CDH18: variants seen among roughly 807,000 people sequenced by gnomAD.
CDH18 encodes cadherin-18.
A neutral mutation model predicts 67.9 loss-of-function variants in CDH18; 31 were observed. The observed-to-expected ratio is 0.46, with a 90% CI of 0.34 to 0.62. CDH18 has a LOEUF of 0.62. Among genes scored for constraint, CDH18 ranks in the 20% least tolerant of loss-of-function variants. CDH18 has a pLI of 0.01. For missense variants in CDH18, 890 were observed against 975.5 expected, an observed-to-expected ratio of 0.91 and a Z score of 1.17; for synonymous variants, 362 against 347.2, an observed-to-expected ratio of 1.04 and a Z score of -0.48.
chr5:20,288,505 T>C (rs1746859938), intron 1 of CDH18, among the ~76,000 whole-genome samples: 1 of 151,748 alleles, frequency 6.6e-6, no homozygotes, highest in African/African-American at 2.4e-5. Flanking sequence ...TCAGATGTTT[T>C]ATGATTTTTA....
At chr5:19,920,143 G>A (rs961395361) in intron 2 of CDH18, among the ~76,000 whole-genome samples, 1 of 152,078 alleles carries the variant, frequency 6.6e-6, no homozygotes, top group African/African-American at 2.4e-5. Context: ...ACATTATTTT[G>A]TTAAAACCTG....
chr5:20,557,350 G>A (rs1027033290), intron 1 of CDH18, among the ~76,000 whole-genome samples: 5 of 151,898 alleles, frequency 3.3e-5, no homozygotes, highest in Non-Finnish European at 5.9e-5. Flanking sequence ...ATGGTTACAT[G>A]AAAACATGGT....
At chr5:20,189,425 A>G (rs2126712030) in intron 2 of CDH18, among the ~76,000 whole-genome samples, 1 of 152,230 alleles carries the variant, frequency 6.6e-6, no homozygotes. Context: ...GAAGACATTC[A>G]AATGATAACA....
intron 3 of CDH18, among the ~76,000 whole-genome samples, chr5:19,763,994 CAAAAAAAAA>C (rs60958986): frequency 1.4e-4 from 9 of 65,310 alleles, no homozygotes; most frequent in South Asian, 8.9e-4. Context: ...ACTAAAAATA[CAAAAAAAAA>C]AAAAAAAAAA....
chr5:19,987,830 AC>A (rs759375156), intron 1 of CDH18, among the ~76,000 whole-genome samples: 6 of 152,116 alleles, frequency 3.9e-5, no homozygotes, highest in Non-Finnish European at 8.8e-5. Context: ...ATAAACAGAC[AC>A]GCAGCTGGAT....
At chr5:19,915,692 T>C (rs1791695957) in intron 2 of CDH18, among the ~76,000 whole-genome samples, 1 of 152,110 alleles carries the variant, frequency 6.6e-6, no homozygotes, top group Non-Finnish European at 1.5e-5. Flanking sequence ...TATATCATTG[T>C]TTGTTTACAA....
At chr5:19,481,907 GA>G (rs1436280124) in intron 12 of CDH18, among the ~76,000 whole-genome samples, 1 of 152,130 alleles carries the variant, frequency 6.6e-6, no homozygotes, top group Non-Finnish European at 1.5e-5. Flanking sequence ...TGATGAAGCA[GA>G]AAGATTCCTT....
intron 2 of CDH18, among the ~76,000 whole-genome samples, chr5:19,843,397 T>A (rs1253179049): frequency 1.3e-5 from 2 of 152,174 alleles, no homozygotes; most frequent in African/African-American, 2.4e-5. Flanking sequence ...GGCTTCTACA[T>A]GGTGTTGGGC....
intron 10 of CDH18, among the ~76,000 whole-genome samples, chr5:19,516,839 CTCTA>C (rs925301610): frequency 2.8e-4 from 42 of 151,986 alleles, no homozygotes; most frequent in African/African-American, 9.6e-4. Flanking sequence ...TTTTTTGTGT[CTCTA>C]TCTATGAATT....
At chr5:20,447,088 T>C (rs978795780) in intron 1 of CDH18, among the ~76,000 whole-genome samples, 2 of 152,194 alleles carry the variant, frequency 1.3e-5, no homozygotes, top group Admixed American at 6.5e-5. Context: ...TACTCTGAAA[T>C]GCTGTTTCTC....
At chr5:19,552,334 T>C (rs549248367) in intron 8 of CDH18, among the ~76,000 whole-genome samples, 8 of 152,242 alleles carry the variant, frequency 5.3e-5, no homozygotes, top group South Asian at 2.1e-4. Context: ...GAATCATAGT[T>C]CTGGAAATAA....
intron 3 of CDH18, among the ~76,000 whole-genome samples, chr5:19,824,048 T>TA (rs1780162518): frequency 6.6e-6 from 1 of 150,506 alleles, no homozygotes; most frequent in Non-Finnish European, 1.5e-5. Flanking sequence ...CAAAAAAAAA[T>TA]AAAAAATAAA....
At chr5:20,325,199 A>G (rs1245541394) in intron 1 of CDH18, among the ~76,000 whole-genome samples, 3 of 152,216 alleles carry the variant, frequency 2.0e-5, no homozygotes. Context: ...ACTCTGTTTT[A>G]TTAAACCAAT....
At chr5:20,525,780 T>A (rs900617345) in intron 1 of CDH18, among the ~76,000 whole-genome samples, 10 of 146,342 alleles carry the variant, frequency 6.8e-5, no homozygotes, top group African/African-American at 2.5e-4. Flanking sequence ...TATACTTCAA[T>A]TATTTTATAT....
At chr5:19,634,917 G>GT (rs1484240150) in intron 5 of CDH18, among the ~76,000 whole-genome samples, 3 of 142,398 alleles carry the variant, frequency 2.1e-5, no homozygotes, top group Non-Finnish European at 4.5e-5. Flanking sequence ...AGCCTGGGCA[G>GT]TAAGAGCTAA....
At chr5:20,511,144 A>C (rs1230763073) in intron 1 of CDH18, among the ~76,000 whole-genome samples, 3 of 152,178 alleles carry the variant, frequency 2.0e-5, no homozygotes, top group Non-Finnish European at 4.4e-5. Flanking sequence ...CAATTTAGTT[A>C]CATTAAAAAG....
At chr5:20,156,464 GAAAT>G (rs749427709) in intron 2 of CDH18, among the ~76,000 whole-genome samples, 4 of 152,100 alleles carry the variant, frequency 2.6e-5, no homozygotes, top group African/African-American at 7.2e-5. Context: ...TATCCTAAGA[GAAAT>G]AACTCAGAAA....
At chr5:20,402,024 A>C (rs1156505081) in intron 1 of CDH18, among the ~76,000 whole-genome samples, 1 of 151,752 alleles carries the variant, frequency 6.6e-6, no homozygotes. Context: ...CTTTTTATCA[A>C]CTCACTCTAT....
At chr5:19,865,895 T>C (rs1157834904) in intron 2 of CDH18, among the ~76,000 whole-genome samples, 1 of 152,198 alleles carries the variant, frequency 6.6e-6, no homozygotes, top group Non-Finnish European at 1.5e-5. Flanking sequence ...GACTATTAAA[T>C]GTATTTGATT....
Sources: allele counts gnomAD v4.1 joint callset (sites outside exome capture counted in the v4.1 genomes callset), GRCh38; gene constraint gnomAD v4.1.1; transcripts MANE v1.5; gene names NCBI Gene and HGNC (gene_info 2026-07-23, HGNC 2026-07-21).